PDE4A: variants seen among roughly 807,000 people sequenced by gnomAD.
PDE4A encodes the protein 3',5'-cyclic-AMP phosphodiesterase 4A.
In PDE4A, 21 loss-of-function variants were observed where a neutral mutation model predicts 73.9. That is an observed-to-expected ratio of 0.28 (90% CI 0.20 to 0.41). PDE4A has a LOEUF of 0.41. Among genes scored for constraint, PDE4A ranks in the 10% least tolerant of loss-of-function variants. PDE4A has a pLI of 1.00. For synonymous variants in PDE4A, 463 were observed against 505.4 expected (o/e 0.92, Z 1.13); for missense variants, 958 against 1,211.4 (o/e 0.79, Z 3.10).
At chr19:10,421,528 TG>T (rs1246483761) in intron 1 of PDE4A, among the ~76,000 whole-genome samples, 2 of 151,806 alleles carry the variant, frequency 1.3e-5, no homozygotes, top group African/African-American at 4.8e-5. Flanking sequence ...TACTTCAGGG[TG>T]GGGTGCTCTC....
chr19:10,425,510 C>T (rs2042706201), intron 1 of PDE4A, among the ~76,000 whole-genome samples: 1 of 152,208 alleles, frequency 6.6e-6, no homozygotes, highest in African/African-American at 2.4e-5. Flanking sequence ...GGGGGCGTCC[C>T]CCAAACCGCA....
Position 10,421,186 on chromosome 19 carries a change from G to T in PDE4A, c.320+102G>T, listed in dbSNP as rs1380737418. On this transcript the variant is annotated intron_variant, in intron 1 of 14. Coordinates refer to ENST00000380702, the MANE Select transcript of PDE4A (RefSeq NM_001111307.2). ...GGGGCGCTAGGATGCGGGTGGGGTC[G>T]GTTTGGCTGGCGGGGGCGGAGGGAA... is the stretch of plus-strand genomic sequence containing the variant. 46 of 1,333,942 alleles carry T rather than the reference G, an allele frequency of 3.4e-5. 1 individual carries two copies. The highest frequency in any genetic ancestry group is 2.8e-4 in the Middle Eastern group (1 of 3,622). The allele number at this position is 1,333,942 out of a possible 1,614,324, so 82.6% of individuals were successfully genotyped here.
chr19:10,420,661 C>T lies in PDE4A; in HGVS notation c.-104C>T, dbSNP rs2042637115. ...CGGGGCGCCATGGCCCTACCGCGGC[C>T]GGGCGCACCCGCGGGGCCCTGGGCT... On this transcript the variant is annotated 5_prime_UTR_variant, in exon 1 of 15. Transcript: ENST00000380702. The surrounding 1 kb of genome is among the most constrained non-coding windows in gnomAD (Gnocchi z 6.0). 1 of 1,365,030 alleles carries T rather than the reference C, an allele frequency of 7.3e-7. No individual in the cohort carries two copies. The highest frequency in any genetic ancestry group is 3.1e-5 in the East Asian group (1 of 32,360). The allele number at this position is 1,365,030 out of a possible 1,614,324, so 84.6% of individuals were successfully genotyped here.
At chr19:10,465,746 G>A (rs1360562098) in intron 14 of PDE4A, among the ~76,000 whole-genome samples, 4 of 120,630 alleles carry the variant, frequency 3.3e-5, no homozygotes, top group East Asian at 2.9e-4. Flanking sequence ...CGTTCCCCAG[G>A]CTGGAGTGCA....
chr19:10,450,687 C>T, intron 5 of PDE4A, 35 bp downstream of exon 5: 5 of 1,594,682 alleles, frequency 3.1e-6, no homozygotes, highest in Non-Finnish European at 4.3e-6. Context: ...AGGGGCCCCC[C>T]TTGCTGCCCC....
chr19:10,442,488 C>T (rs1031942074), intron 1 of PDE4A, among the ~76,000 whole-genome samples: 10 of 152,072 alleles, frequency 6.6e-5, no homozygotes, highest in Non-Finnish European at 1.3e-4. Context: ...CGCGCCACTG[C>T]ACTCCAGACT....
chr19:10,460,331 T>C (rs910864433), intron 10 of PDE4A, among the ~76,000 whole-genome samples: 3 of 151,880 alleles, frequency 2.0e-5, no homozygotes, highest in Non-Finnish European at 4.4e-5. Flanking sequence ...AAACACTGTC[T>C]TTACTAAAAA....
intron 2 of PDE4A, among the ~76,000 whole-genome samples, chr19:10,447,001 C>G (rs1599430704): frequency 6.6e-6 from 1 of 150,628 alleles, no homozygotes; most frequent in East Asian, 1.9e-4. Flanking sequence ...CAGGTTCACG[C>G]CATTCTCCTA....
In PDE4A at chr19:10,459,869, G is replaced by A. The variant is rs551004536; in HGVS notation, c.1365+110G>A. The stretch of plus-strand genomic sequence containing the variant: ...TCTCTGACCTCCATCTCTCTTTGAC[G>A]CCATTTCTCTCTCTTTTTTTTTTCT... On this transcript the variant is annotated intron_variant, in intron 10 of 14. Transcript: ENST00000380702. 2.5e-5 allele frequency: 31 copies of A among 1,243,616 alleles called. No individual in the cohort carries two copies. The African/African-American group carries it at 2.6e-4, about 10-fold the overall frequency. 77.0% of individuals were successfully genotyped at this position (1,243,616 alleles called of 1,614,324 possible). A position where few individuals can be genotyped will look rare whatever the true frequency, so the allele number is the denominator to read the frequency against.
In PDE4A at chr19:10,461,513, G is replaced by C. The variant is rs201665483; in HGVS notation, c.1466-13G>C. 6.3e-5 allele frequency: 101 copies of C among 1,613,354 alleles called. No homozygotes were observed. The highest frequency in any genetic ancestry group is 1.6e-5 in the Non-Finnish European group (19 of 1,179,854). ...CACGTGGGCCCTCCCCTGACCTCCG[G>C]GCTGGGCTGCAGATTCGGAGCTGGC... On this transcript the variant is annotated splice_polypyrimidine_tract_variant and intron_variant, in intron 11 of 14. Coordinates refer to ENST00000380702, the MANE Select transcript of PDE4A (RefSeq NM_001111307.2).
intron 1 of PDE4A, among the ~76,000 whole-genome samples, chr19:10,422,246 G>A (rs969856530): frequency 6.6e-6 from 1 of 152,188 alleles, no homozygotes; most frequent in African/African-American, 2.4e-5. Flanking sequence ...GGGGAACAAT[G>A]TGATTGAGTT....
At chr19:10,421,161 G>C (rs2042646387) in intron 1 of PDE4A, 77 bp downstream of exon 1, 11 of 1,339,890 alleles carry the variant, frequency 8.2e-6, no homozygotes, top group Non-Finnish European at 1.0e-5. Flanking sequence ...CCGGCCGCAG[G>C]GGGCGCTAGG....
In PDE4A at chr19:10,453,817, G is replaced by A. The variant is rs1339078134; in HGVS notation, c.784-1012G>A. On this transcript the variant is annotated intron_variant, in intron 6 of 14. Coordinates refer to ENST00000380702, the MANE Select transcript of PDE4A (RefSeq NM_001111307.2). The surrounding 1 kb of genome is among the most constrained non-coding windows in gnomAD (Gnocchi z 4.6). ...GGACTGAGAGCCTGTGATTGTGTGT[G>A]TGGTTGTGTGAGATTTTGTGGGTCC... 6.6e-6 allele frequency among the ~76,000 whole-genome samples: 1 copy of A among 152,090 alleles called. No individual in the cohort carries two copies. Among genetic ancestry groups the A allele is most frequent in the Non-Finnish European group, 1.5e-5 (1 of 68,014 alleles).
At chr19:10,427,439 C>T (rs564970043) in intron 1 of PDE4A, 27 of 961,400 alleles carry the variant, frequency 2.8e-5, no homozygotes, top group African/African-American at 2.6e-4. Flanking sequence ...GCAGAGTGAG[C>T]GAGGAGGCAG....
chr19:10,435,420 G>T (rs912451359), intron 1 of PDE4A, among the ~76,000 whole-genome samples: 1 of 151,966 alleles, frequency 6.6e-6, no homozygotes, highest in Non-Finnish European at 1.5e-5. Context: ...AATTAGCTGG[G>T]TGTGGTGGTG....
At chr19:10,430,869 C>A (rs1456792606) in intron 1 of PDE4A, 1 of 1,436,872 alleles carries the variant, frequency 7.0e-7, no homozygotes, top group Non-Finnish European at 9.1e-7. Flanking sequence ...CGGCCTAGGC[C>A]GCATCCCGGA....
upstream of PDE4A, chr19:10,417,852 G>T (rs1337012048): frequency 6.4e-7 from 1 of 1,557,550 alleles, no homozygotes; most frequent in South Asian, 1.2e-5. Flanking sequence ...CATCACCAGG[G>T]CCGAGAACGA....
chr19:10,431,657 G>T (rs1043886781), intron 1 of PDE4A, among the ~76,000 whole-genome samples: 1 of 152,198 alleles, frequency 6.6e-6, no homozygotes, highest in African/African-American at 2.4e-5. Context: ...GGCCCTGGGG[G>T]CTTCTCCGGG....
In PDE4A at chr19:10,427,319, G is replaced by A. The variant is rs1001622533; in HGVS notation, c.320+6235G>A. 2.6e-5 allele frequency among the ~76,000 whole-genome samples: 4 copies of A among 152,250 alleles called. No individual in the cohort carries two copies. In the East Asian group the frequency reaches 7.7e-4, roughly 29 times the overall value. On this transcript the variant is annotated intron_variant, in intron 1 of 14. Transcript: ENST00000380702. ...CGTCTAACAAAAAACAAAAGAGGGA[G>A]GTTGCTACATGGGTGTCTGATGGAA...
Sources: gnomAD v4.1 joint callset for allele counts (sites outside exome capture counted in the v4.1 genomes callset) on GRCh38, gnomAD v4.1.1 for gene constraint, Gnocchi (gnomAD v3.1) non-coding constraint, MANE v1.5 for transcripts, NCBI Gene and HGNC (gene_info 2026-07-23, HGNC 2026-07-21) for gene names.